The following RAP1GDS1 variants were observed in gnomAD, a reference collection of about 807,000 sequenced individuals.
RAP1GDS1 encodes RAP1, GTP-GDP dissociation stimulator 1.
A neutral mutation model predicts 71.1 loss-of-function variants in RAP1GDS1; 35 were observed. That is an observed-to-expected ratio of 0.49 (90% confidence interval 0.38 to 0.65). The LOEUF (loss-of-function observed/expected upper bound fraction) is 0.65. Among genes scored for constraint, RAP1GDS1 ranks in the 30% least tolerant of loss-of-function variants. The pLI, the probability that RAP1GDS1 is intolerant of heterozygous loss-of-function variation, is 0.00. For missense variants in RAP1GDS1, 663 were observed against 706.1 expected, an observed-to-expected ratio of 0.94 and a Z score of 0.69; for synonymous variants, 229 against 243.1, an observed-to-expected ratio of 0.94 and a Z score of 0.54.
At chr4:98,416,945 A>G (rs1173441865) in intron 8 of RAP1GDS1, 57 bp downstream of exon 8, 1 of 1,562,014 alleles carries the variant, frequency 6.4e-7, no homozygotes, top group African/African-American at 1.4e-5. Context: ...TTTAAAATTT[A>G]TTGTCTCTTC....
rs574479046 is a variant in RAP1GDS1 at position 98,432,255 on chromosome 4, T to C, written c.1441-1681T>C. On this transcript the variant is annotated intron_variant, in intron 12 of 14. Coordinates refer to ENST00000408927, the MANE Select transcript of RAP1GDS1 (RefSeq NM_001100427.2). ...CCTTAGTTCATTCCCTACTCTTCCT[T>C]CTACTACACTGGTCTTTTAAGTGTG... 2.6e-5 allele frequency among the ~76,000 whole-genome samples: 4 copies of C among 152,332 alleles called. No homozygotes were observed. In the South Asian group the frequency reaches 8.3e-4, roughly 32 times the overall value.
intron 2 of RAP1GDS1, among the ~76,000 whole-genome samples, chr4:98,311,835 C>T (rs1469311494): frequency 3.9e-5 from 6 of 152,170 alleles, no homozygotes; most frequent in African/African-American, 1.4e-4. Flanking sequence ...CATGGGGTCT[C>T]ACTATGTTGT....
chr4:98,280,990 C>T (rs993089656), intron 1 of RAP1GDS1, among the ~76,000 whole-genome samples: 2 of 152,166 alleles, frequency 1.3e-5, no homozygotes, highest in African/African-American at 4.8e-5. Context: ...GGTACCAGTA[C>T]CATGCTGTTT....
At chr4:98,296,281 CT>C (rs1727737629) in intron 2 of RAP1GDS1, among the ~76,000 whole-genome samples, 1 of 151,994 alleles carries the variant, frequency 6.6e-6, no homozygotes, top group African/African-American at 2.4e-5. Flanking sequence ...CAAAATAATG[CT>C]TTTGAAATTT....
At chr4:98,273,140 A>C (rs1257998040) in intron 1 of RAP1GDS1, among the ~76,000 whole-genome samples, 3 of 152,178 alleles carry the variant, frequency 2.0e-5, no homozygotes, top group Non-Finnish European at 4.4e-5. Context: ...TTCTTGAGCC[A>C]CCACTGCACT....
At chr4:98,298,071 C>T (rs923659311) in intron 2 of RAP1GDS1, among the ~76,000 whole-genome samples, 1 of 152,200 alleles carries the variant, frequency 6.6e-6, no homozygotes, top group African/African-American at 2.4e-5. Flanking sequence ...TTCCCATGTC[C>T]TAATCCAGAG....
chr4:98,352,682 G>A, intron 4 of RAP1GDS1, 81 bp downstream of exon 4: 1 of 1,482,384 alleles, frequency 6.7e-7, no homozygotes, highest in Non-Finnish European at 9.2e-7. Flanking sequence ...TGTTAGCAGT[G>A]ACTTTTCTAG....
chr4:98,360,899 C>A (rs1290922790), intron 4 of RAP1GDS1, among the ~76,000 whole-genome samples: 1 of 151,686 alleles, frequency 6.6e-6, no homozygotes, highest in African/African-American at 2.4e-5. Flanking sequence ...TGGTGAAACC[C>A]CATCTCTACT....
intron 1 of RAP1GDS1, among the ~76,000 whole-genome samples, chr4:98,276,550 A>G (rs1180790190): frequency 6.8e-6 from 1 of 146,732 alleles, no homozygotes; most frequent in East Asian, 2.0e-4. Context: ...GCTTTCTCTT[A>G]TTTTTCTTAA....
intron 1 of RAP1GDS1, among the ~76,000 whole-genome samples, chr4:98,263,353 GA>G (rs369270239): frequency 6.6e-6 from 1 of 151,974 alleles, no homozygotes; most frequent in Non-Finnish European, 1.5e-5. Context: ...TTTTTCAGTG[GA>G]AAAAATCCAA....
chr4:98,356,983 G>A (rs1738066980), intron 4 of RAP1GDS1, among the ~76,000 whole-genome samples: 1 of 151,826 alleles, frequency 6.6e-6, no homozygotes, highest in South Asian at 2.1e-4. Context: ...TATAAAAATA[G>A]TGTAGAAGGA....
chr4:98,281,619 G>T (rs1454238071), intron 1 of RAP1GDS1, among the ~76,000 whole-genome samples: 1 of 152,102 alleles, frequency 6.6e-6, no homozygotes, highest in Non-Finnish European at 1.5e-5. Flanking sequence ...TTGCCTGACT[G>T]CCCTGGCGAG....
At chr4:98,319,131 G>A (rs1465649414) in intron 2 of RAP1GDS1, among the ~76,000 whole-genome samples, 1 of 152,104 alleles carries the variant, frequency 6.6e-6, no homozygotes, top group Non-Finnish European at 1.5e-5. Context: ...ATACATATCT[G>A]TCTCCTTTAC....
chr4:98,441,240 A>G, intron 14 of RAP1GDS1: 1 of 696,802 alleles, frequency 1.4e-6, no homozygotes, highest in Non-Finnish European at 1.8e-6. Context: ...TACTGATTAC[A>G]TTAAGCTTAT....
intron 7 of RAP1GDS1, among the ~76,000 whole-genome samples, chr4:98,409,133 T>C (rs116187743): frequency 6.6e-6 from 1 of 152,172 alleles, no homozygotes; most frequent in Admixed American, 6.5e-5. Context: ...AGATCAGTTT[T>C]ATAGATCTTT....
Position 98,293,421 on chromosome 4 carries a change from T to TA in RAP1GDS1, c.19dup (p.Thr7AsnfsTer11). On this transcript the variant is annotated frameshift_variant, in exon 2 of 15. Coordinates refer to ENST00000408927, the MANE Select transcript of RAP1GDS1 (RefSeq NM_001100427.2). LOFTEE classifies it high-confidence loss of function. ...TTCTTTAAGCAGATAATCTCAGTGA[T>TA]ACCTTGAAGAAGCTGAAGATAACAG... The TA allele has an allele frequency of 6.3e-7, 1 of 1,599,820 alleles. No homozygotes were observed. The highest frequency in any genetic ancestry group is 8.5e-7 in the Non-Finnish European group (1 of 1,174,630).
At chr4:98,362,003 G>A (rs985891054) in intron 4 of RAP1GDS1, among the ~76,000 whole-genome samples, 5 of 152,070 alleles carry the variant, frequency 3.3e-5, no homozygotes, top group Admixed American at 6.5e-5. Flanking sequence ...TGAATAAATT[G>A]CGTTTTGAGT....
Position 98,442,632 on chromosome 4 carries a change from G to A in RAP1GDS1, c.*515G>A, listed in dbSNP as rs577935757. On this transcript the variant is annotated 3_prime_UTR_variant, in exon 15 of 15. Transcript: ENST00000408927. ...ACTGATGTCAAATCCATGGTACCTA[G>A]AGTTAAATAAAATTCCAATGCTCTT... The A allele has an allele frequency of 1.3e-5, 3 of 228,146 alleles. No individual in the cohort carries two copies. Among genetic ancestry groups the A allele is most frequent in the African/African-American group, 6.6e-5 (3 of 45,162 alleles). 14.1% of individuals were successfully genotyped at this position (228,146 alleles called of 1,614,324 possible).
At chr4:98,283,126 T>G (rs1442306157) in intron 1 of RAP1GDS1, among the ~76,000 whole-genome samples, 1 of 152,214 alleles carries the variant, frequency 6.6e-6, no homozygotes, top group Non-Finnish European at 1.5e-5. Context: ...TTCTGAAAAT[T>G]GAAGATTCTT....
Sources: gnomAD v4.1 joint callset for allele counts (sites outside exome capture counted in the v4.1 genomes callset) on GRCh38, gnomAD v4.1.1 for gene constraint, MANE v1.5 for transcripts, NCBI Gene and HGNC (gene_info 2026-07-23, HGNC 2026-07-21) for gene names.